Variants in AP1AR observed in about 807,000 individuals in gnomAD.
AP1AR encodes the protein AP-1 complex-associated regulatory protein.
AP1AR carries 29 observed loss-of-function variants against 46.3 expected under a neutral mutation model. The ratio of observed to expected loss-of-function variants is 0.63; its 90% confidence interval spans 0.47 to 0.85. AP1AR has a LOEUF of 0.85. Ranked by LOEUF, AP1AR falls within the 40% of genes least tolerant of loss-of-function variation. The pLI is 0.00. For synonymous variants in AP1AR, 122 were observed against 122.9 expected (o/e 0.99, Z 0.05); for missense variants, 357 against 356.3 (o/e 1.00, Z -0.02).
At chr4:112,260,483 G>A (rs1560611560) in intron 4 of AP1AR, among the ~76,000 whole-genome samples, 1 of 152,210 alleles carries the variant, frequency 6.6e-6, no homozygotes, top group Non-Finnish European at 1.5e-5. Context: ...GGCTGAAGCA[G>A]AGCCAGATGA....
At chr4:112,235,091 A>G (rs183365837) in intron 1 of AP1AR, among the ~76,000 whole-genome samples, 21 of 152,340 alleles carry the variant, frequency 1.4e-4, no homozygotes, top group Middle Eastern at 3.4e-3. Context: ...TAATGAAGTC[A>G]TTTGGTGATT....
chr4:112,236,300 T>C (rs1204427591), intron 1 of AP1AR, among the ~76,000 whole-genome samples: 1 of 152,002 alleles, frequency 6.6e-6, no homozygotes, highest in African/African-American at 2.4e-5. Flanking sequence ...CCTCCCTTCC[T>C]ATCATGAGTT....
chr4:112,239,946 T>C (rs1327738759), intron 1 of AP1AR, among the ~76,000 whole-genome samples: 3 of 152,264 alleles, frequency 2.0e-5, no homozygotes, highest in Admixed American at 6.5e-5. Flanking sequence ...CAAGTGGGTC[T>C]ACCCACATAT....
chr4:112,250,267 T>G (rs942924998), intron 1 of AP1AR, among the ~76,000 whole-genome samples: 5 of 152,182 alleles, frequency 3.3e-5, no homozygotes, highest in Non-Finnish European at 7.4e-5. Flanking sequence ...TTGTAAAAGG[T>G]GTATTCCAAA....
chr4:112,262,384 G>C (rs1186805590), intron 5 of AP1AR, among the ~76,000 whole-genome samples: 3 of 152,132 alleles, frequency 2.0e-5, no homozygotes, highest in Non-Finnish European at 4.4e-5. Flanking sequence ...GTTAATATTA[G>C]TCTAAAGAAA....
chr4:112,262,303 T>C (rs889345557), intron 5 of AP1AR, among the ~76,000 whole-genome samples: 1 of 152,162 alleles, frequency 6.6e-6, no homozygotes, highest in Non-Finnish European at 1.5e-5. Context: ...TAACACCCTG[T>C]CTCAAAAAGA....
intron 8 of AP1AR, 117 bp downstream of exon 8, chr4:112,265,924 G>A: frequency 1.6e-6 from 1 of 629,000 alleles, no homozygotes; most frequent in Non-Finnish European, 2.7e-6. Flanking sequence ...TTCCCAGATA[G>A]GTCAATTTCC....
At position 112,268,256 on chromosome 4, in the gene AP1AR, T is replaced by C; in HGVS notation, c.756T>C (p.Ser252=). ...KKTGSNPTSA[S]DDSNGLEWEN... The stretch of plus-strand genomic sequence containing the variant: ...CTGGAAGTAATCCTACATCAGCCTC[T>C]GATGATTCCAATGGGCTGGAGTGGG... Residue 252 remains serine, a synonymous_variant, in exon 10 of 10, where the codon TCT becomes TCC. Transcript: ENST00000274000. 1 of 1,613,212 alleles carries C rather than the reference T, an allele frequency of 6.2e-7. No homozygotes were observed. Among genetic ancestry groups the C allele is most frequent in the East Asian group, 2.2e-5 (1 of 44,858 alleles).
chr4:112,267,095 T>A (rs908817660), intron 9 of AP1AR, among the ~76,000 whole-genome samples: 1 of 151,880 alleles, frequency 6.6e-6, no homozygotes, highest in Non-Finnish European at 1.5e-5. Context: ...TCTACAAAGT[T>A]ATATTAGTAT....
chr4:112,250,003 T>A (rs1419466937), intron 1 of AP1AR, among the ~76,000 whole-genome samples: 2 of 152,244 alleles, frequency 1.3e-5, no homozygotes, highest in Non-Finnish European at 2.9e-5. Context: ...GACAGTTGTA[T>A]TGCCAGCATC....
At chr4:112,264,911 G>C (rs1391079265) in intron 6 of AP1AR, 98 bp from the exon 7 acceptor site, 8 of 875,754 alleles carry the variant, frequency 9.1e-6, no homozygotes, top group African/African-American at 1.7e-5. Context: ...TTTTTTTTTA[G>C]AAACTAGAAA....
chr4:112,238,968 C>T (rs1379831214), intron 1 of AP1AR, among the ~76,000 whole-genome samples: 1 of 152,176 alleles, frequency 6.6e-6, no homozygotes, highest in African/African-American at 2.4e-5. Context: ...GTCACCTAAG[C>T]CATGAAACTA....
chr4:112,242,722 TC>T (rs1725559826), intron 1 of AP1AR, among the ~76,000 whole-genome samples: 1 of 152,130 alleles, frequency 6.6e-6, no homozygotes, highest in African/African-American at 2.4e-5. Context: ...CCTAAACACT[TC>T]CTATTAGGCC....
Position 112,269,771 on chromosome 4 carries a change from A to G in AP1AR, c.*1362A>G, listed in dbSNP as rs1042073373. ...CATAGAAATTAATATGATACTTTAA[A>G]TATGTAAATATAATACATTAGGTAA... On this transcript the variant is annotated 3_prime_UTR_variant, in exon 10 of 10. Coordinates refer to ENST00000274000, the MANE Select transcript of AP1AR (RefSeq NM_018569.6). 2.0e-5 allele frequency: 3 copies of G among 152,496 alleles called. No individual in the cohort carries two copies. The highest frequency in any genetic ancestry group is 7.2e-5 in the African/African-American group (3 of 41,438). 9.4% of individuals were successfully genotyped at this position (152,496 alleles called of 1,614,324 possible). A position where few individuals can be genotyped will look rare whatever the true frequency, so the allele number is the denominator to read the frequency against.
At chr4:112,243,377 C>G (rs571625302) in intron 1 of AP1AR, among the ~76,000 whole-genome samples, 2 of 152,338 alleles carry the variant, frequency 1.3e-5, no homozygotes, top group East Asian at 3.9e-4. Flanking sequence ...CTCTTGTTTT[C>G]CAGTCCGTCT....
At chr4:112,261,620 A>C (rs1726445569) in intron 5 of AP1AR, among the ~76,000 whole-genome samples, 1 of 152,202 alleles carries the variant, frequency 6.6e-6, no homozygotes, top group Admixed American at 6.5e-5. Flanking sequence ...CCACTAAACT[A>C]AATGGAATTA....
intron 1 of AP1AR, 51 bp from the exon 2 acceptor site, chr4:112,253,157 C>A: frequency 1.4e-6 from 2 of 1,399,714 alleles, no homozygotes; most frequent in Admixed American, 1.9e-5. Context: ...TATATTAATT[C>A]AATCTTAGAG....
intron 8 of AP1AR, among the ~76,000 whole-genome samples, chr4:112,266,130 T>G (rs1267004472): frequency 1.3e-5 from 2 of 151,834 alleles, no homozygotes; most frequent in Non-Finnish European, 3.0e-5. Flanking sequence ...AGTGTACTTA[T>G]TTTTTACTTA....
At chr4:112,243,507 A>T (rs1725594587) in intron 1 of AP1AR, among the ~76,000 whole-genome samples, 1 of 152,166 alleles carries the variant, frequency 6.6e-6, no homozygotes, top group Non-Finnish European at 1.5e-5. Context: ...TACGTTATTC[A>T]TACGTTCATT....
Sources: gnomAD v4.1 joint callset for allele counts (sites outside exome capture counted in the v4.1 genomes callset) on GRCh38, gnomAD v4.1.1 for gene constraint, MANE v1.5 for transcripts, NCBI Gene and HGNC (gene_info 2026-07-23, HGNC 2026-07-21) for gene names.